L3MBTL4: variants seen among roughly 807,000 people sequenced by gnomAD.
L3MBTL4 encodes the protein lethal(3)malignant brain tumor-like protein 4.
A neutral mutation model predicts 84.5 loss-of-function variants in L3MBTL4; 70 were observed. That is an observed-to-expected ratio of 0.83 (90% CI 0.68 to 1.01). The LOEUF is 1.01. Among genes scored for constraint, L3MBTL4 ranks in the 50% least tolerant of loss-of-function variants. The probability of loss-of-function intolerance (pLI) is 0.00; values close to 1 mark genes in which losing one functional copy is unlikely to be tolerated. For synonymous variants in L3MBTL4, 274 were observed against 259.8 expected (o/e 1.05, Z -0.52); for missense variants, 715 against 754.8 (o/e 0.95, Z 0.62).
chr18:6,146,704 C>A (rs906377028), intron 13 of L3MBTL4, among the ~76,000 whole-genome samples: 8 of 152,130 alleles, frequency 5.3e-5, no homozygotes, highest in African/African-American at 1.7e-4. Context: ...TGGATTTATG[C>A]CCCAAATGGT....
At chr18:6,073,982 T>G (rs1025541127) in intron 16 of L3MBTL4, among the ~76,000 whole-genome samples, 1 of 152,244 alleles carries the variant, frequency 6.6e-6, no homozygotes, top group South Asian at 2.1e-4. Context: ...CTAAGTTAGA[T>G]TCACTTCTAA....
chr18:6,131,234 G>A (rs1045877342), intron 14 of L3MBTL4, among the ~76,000 whole-genome samples: 2 of 152,126 alleles, frequency 1.3e-5, no homozygotes, highest in Non-Finnish European at 2.9e-5. Flanking sequence ...GCACTCCACT[G>A]CCTGGGAGCA....
chr18:6,199,305 G>A (rs1229564317), intron 12 of L3MBTL4, among the ~76,000 whole-genome samples: 1 of 152,148 alleles, frequency 6.6e-6, no homozygotes, highest in African/African-American at 2.4e-5. Flanking sequence ...CAACGTAACA[G>A]CCACTGCCCA....
intron 16 of L3MBTL4, among the ~76,000 whole-genome samples, chr18:5,969,840 A>T (rs561591881): frequency 3.9e-5 from 6 of 152,342 alleles, no homozygotes; most frequent in Admixed American, 2.6e-4. Flanking sequence ...TTGATGGCCA[A>T]TGAAGGGCTC....
chr18:6,332,654 G>A (rs1357039673), intron 1 of L3MBTL4, among the ~76,000 whole-genome samples: 1 of 152,218 alleles, frequency 6.6e-6, no homozygotes, highest in Non-Finnish European at 1.5e-5. Flanking sequence ...GGGCCGCTAA[G>A]TAAAAGAAAG....
At chr18:6,335,231 C>T (rs1009802872) in intron 1 of L3MBTL4, among the ~76,000 whole-genome samples, 1 of 152,154 alleles carries the variant, frequency 6.6e-6, no homozygotes, top group African/African-American at 2.4e-5. Flanking sequence ...GTTGGGATTA[C>T]AGGCACTCAC....
At chr18:5,983,481 G>C (rs1331261948) in intron 16 of L3MBTL4, among the ~76,000 whole-genome samples, 1 of 151,922 alleles carries the variant, frequency 6.6e-6, no homozygotes, top group Non-Finnish European at 1.5e-5. Flanking sequence ...CTGCTAACGT[G>C]TGTGTTTGTG....
At chr18:6,140,180 C>CAA (rs1286164586) in intron 13 of L3MBTL4, among the ~76,000 whole-genome samples, 2 of 152,150 alleles carry the variant, frequency 1.3e-5, no homozygotes, top group Non-Finnish European at 2.9e-5. Flanking sequence ...CTGATGTTTT[C>CAA]AACATCAGTG....
intron 12 of L3MBTL4, among the ~76,000 whole-genome samples, chr18:6,209,158 T>A (rs1009732155): frequency 9.9e-5 from 15 of 152,146 alleles, no homozygotes; most frequent in Admixed American, 9.8e-4. Flanking sequence ...ACTTAAGTTC[T>A]CCATCCCAAC....
intron 4 of L3MBTL4, among the ~76,000 whole-genome samples, chr18:6,286,090 A>T (rs1167128967): frequency 1.3e-5 from 2 of 150,748 alleles, no homozygotes; most frequent in African/African-American, 4.9e-5. Context: ...TCGGCCTCCC[A>T]AAGTGCTGGG....
At chr18:6,367,095 G>T (rs534408687) in intron 1 of L3MBTL4, among the ~76,000 whole-genome samples, 24 of 152,340 alleles carry the variant, frequency 1.6e-4, no homozygotes, top group African/African-American at 5.8e-4. Context: ...TCCCAAGCCC[G>T]ACAGTCTAAC....
Position 6,134,245 on chromosome 18 carries a change from CT to C in L3MBTL4, c.1199+3948del, listed in dbSNP as rs1368798400. 4.6e-5 allele frequency among the ~76,000 whole-genome samples: 7 copies of C among 152,138 alleles called. No homozygotes were observed. In the East Asian group the frequency reaches 5.8e-4, roughly 13 times the overall value. On this transcript the variant is annotated intron_variant, in intron 14 of 18. Transcript: ENST00000317931. ...GCCCCCATGATTCAATTACTTCCCC[CT>C]GGGTCCTTCCCACAACACTCGGGAA...
intron 4 of L3MBTL4, among the ~76,000 whole-genome samples, chr18:6,268,941 C>A (rs1292274452): frequency 1.3e-5 from 2 of 152,086 alleles, no homozygotes; most frequent in Non-Finnish European, 2.9e-5. Flanking sequence ...AGCTGAAGCT[C>A]ATGGAGATCA....
intron 3 of L3MBTL4, among the ~76,000 whole-genome samples, chr18:6,304,581 T>C (rs2050498832): frequency 1.3e-5 from 2 of 152,226 alleles, no homozygotes; most frequent in Non-Finnish European, 2.9e-5. Flanking sequence ...CGGCCCTCAC[T>C]GTGAGTGGCA....
intron 14 of L3MBTL4, among the ~76,000 whole-genome samples, chr18:6,108,201 G>A (rs556974354): frequency 1.3e-5 from 2 of 152,220 alleles, no homozygotes; most frequent in African/African-American, 2.4e-5. Flanking sequence ...ATAAATGGTC[G>A]AGCACATATG....
intron 1 of L3MBTL4, among the ~76,000 whole-genome samples, chr18:6,319,358 G>A (rs1336500643): frequency 6.6e-6 from 1 of 151,800 alleles, no homozygotes; most frequent in Non-Finnish European, 1.5e-5. Flanking sequence ...GAACAAAATT[G>A]ATAGACCATT....
intron 16 of L3MBTL4, among the ~76,000 whole-genome samples, chr18:5,986,589 C>T (rs901877271): frequency 3.3e-5 from 5 of 152,124 alleles, no homozygotes; most frequent in African/African-American, 1.2e-4. Context: ...TGCCCTTAAG[C>T]AAAGATTTCA....
chr18:6,043,363 C>T (rs1228043240), intron 16 of L3MBTL4, among the ~76,000 whole-genome samples: 1 of 152,144 alleles, frequency 6.6e-6, no homozygotes, highest in East Asian at 1.9e-4. Flanking sequence ...ACTCTCTCCC[C>T]ACAGGCAGTA....
chr18:6,016,067 C>CCACTA (rs765429742), intron 16 of L3MBTL4, among the ~76,000 whole-genome samples: 1 of 152,190 alleles, frequency 6.6e-6, no homozygotes, highest in South Asian at 2.1e-4. Context: ...GGGCAGGCCT[C>CCACTA]CACTACAGGA....
Sources: gnomAD v4.1 joint callset for allele counts (sites outside exome capture counted in the v4.1 genomes callset) on GRCh38, gnomAD v4.1.1 for gene constraint, MANE v1.5 for transcripts, NCBI Gene and HGNC (gene_info 2026-07-23, HGNC 2026-07-21) for gene names.